Variants in PRDM16 observed in about 807,000 individuals in gnomAD.
The protein encoded by PRDM16 is histone-lysine N-methyltransferase PRDM16.
A neutral mutation model predicts 110.6 loss-of-function variants in PRDM16; 23 were observed. That is an observed-to-expected ratio of 0.21 (90% CI 0.15 to 0.29). The LOEUF is 0.29. PRDM16 is among the 10% of genes least tolerant of loss of function. The pLI is 1.00. For synonymous variants in PRDM16, 799 were observed against 781.8 expected (o/e 1.02, Z -0.37); for missense variants, 1,615 against 1,794.3 (o/e 0.90, Z 1.81).
chr1:3,387,693 C>T (rs1643224721), intron 4 of PRDM16, among the ~76,000 whole-genome samples: 2 of 152,234 alleles, frequency 1.3e-5, no homozygotes, highest in South Asian at 2.1e-4. Context: ...GGAGACTCGC[C>T]GCCCAGGCAC....
intron 3 of PRDM16, among the ~76,000 whole-genome samples, chr1:3,269,790 CT>C (rs1640391304): frequency 6.9e-6 from 1 of 145,406 alleles, no homozygotes; most frequent in Non-Finnish European, 1.5e-5. Context: ...GGAGGAAAGT[CT>C]CAGAGGAGGA....
chr1:3,371,666 G>C (rs774658415), intron 3 of PRDM16, among the ~76,000 whole-genome samples: 4 of 152,238 alleles, frequency 2.6e-5, no homozygotes, highest in Non-Finnish European at 5.9e-5. Context: ...CCCTGGAAGA[G>C]CTTCAGTTGC....
intron 3 of PRDM16, chr1:3,309,126 G>A (rs1164704769): frequency 6.6e-6 from 1 of 152,252 alleles, no homozygotes; most frequent in African/African-American, 2.4e-5. Flanking sequence ...CCGACCCAAG[G>A]ATGGATAGAA....
At chr1:3,111,373 G>A (rs529960346) in intron 1 of PRDM16, among the ~76,000 whole-genome samples, 2 of 149,130 alleles carry the variant, frequency 1.3e-5, no homozygotes, top group South Asian at 4.2e-4. Context: ...AGGTGGTGCT[G>A]GGGGGAAGTC....
At chr1:3,205,693 C>T (rs1181745974) in intron 2 of PRDM16, among the ~76,000 whole-genome samples, 5 of 151,840 alleles carry the variant, frequency 3.3e-5, no homozygotes, top group African/African-American at 7.3e-5. Context: ...GTTATGAGGG[C>T]GGGCTCGGTG....
rs1009014250 is a variant in PRDM16, at chr1:3,358,971, G to A, written c.439-26181G>A. Among the ~76,000 whole-genome samples the A allele has an allele frequency of 6.6e-6, 1 of 152,226 alleles. No individual in the cohort carries two copies. The highest frequency in any genetic ancestry group is 2.4e-5 in the African/African-American group (1 of 41,458). Reference sequence around the variant, plus strand: ...GGAAAGCACAGCCGCTGTGGCTCATGTTGTCATCTTGGGTCGCATTACAGC... The same window carrying A: ...GGAAAGCACAGCCGCTGTGGCTCATATTGTCATCTTGGGTCGCATTACAGC... On this transcript the variant is annotated intron_variant, in intron 3 of 16. Transcript: ENST00000270722. The surrounding 1 kb of genome is among the most constrained non-coding windows in gnomAD (Gnocchi z 4.0).
chr1:3,231,023 CAT>C (rs1639396599), intron 2 of PRDM16, among the ~76,000 whole-genome samples: 1 of 152,176 alleles, frequency 6.6e-6, no homozygotes, highest in Non-Finnish European at 1.5e-5. Flanking sequence ...TACCCAAGGA[CAT>C]GAGTGCCCTC....
At chr1:3,287,556 CCT>C (rs376602250) in intron 3 of PRDM16, among the ~76,000 whole-genome samples, 19 of 50,478 alleles carry the variant, frequency 3.8e-4, no homozygotes, top group African/African-American at 1.7e-3. Flanking sequence ...GGAGCCGCCC[CCT>C]GCCACGCGGG....
intron 3 of PRDM16, among the ~76,000 whole-genome samples, chr1:3,260,855 T>C (rs1640149293): frequency 6.8e-6 from 1 of 147,874 alleles, no homozygotes; most frequent in East Asian, 2.0e-4. Context: ...AGGTCCCATC[T>C]AGACACAGTC....
In PRDM16 at chr1:3,243,557, C is replaced by T. The variant is rs1014479595; in HGVS notation, c.388-530C>T. ...CCCGACCTCTGCCTCCTGAGCTGGA[C>T]TGTAAGCCCCCGGAGGGCAGGGACT... On this transcript the variant is annotated intron_variant, in intron 2 of 16. Transcript: ENST00000270722. The surrounding 1 kb of genome is among the most constrained non-coding windows in gnomAD (Gnocchi z 5.5). 6.6e-6 allele frequency among the ~76,000 whole-genome samples: 1 copy of T among 152,226 alleles called. No individual in the cohort carries two copies. The highest frequency in any genetic ancestry group is 1.5e-5 in the Non-Finnish European group (1 of 68,054).
intron 4 of PRDM16, among the ~76,000 whole-genome samples, chr1:3,393,009 C>G (rs1349571472): frequency 1.3e-5 from 2 of 152,238 alleles, no homozygotes; most frequent in Non-Finnish European, 2.9e-5. Context: ...CAAAGAGAAC[C>G]TGAAGTGTTG....
At chr1:3,215,070 ACAT>A (rs1638988168) in intron 2 of PRDM16, among the ~76,000 whole-genome samples, 1 of 152,170 alleles carries the variant, frequency 6.6e-6, no homozygotes, top group Non-Finnish European at 1.5e-5. Context: ...CCGTATCCAA[ACAT>A]CATCAAAGAC....
intron 3 of PRDM16, among the ~76,000 whole-genome samples, chr1:3,368,922 C>T (rs1642863313): frequency 1.3e-5 from 2 of 152,230 alleles, no homozygotes; most frequent in African/African-American, 2.4e-5. Context: ...TCCGGGTAAT[C>T]GGCCGCATGC....
intron 3 of PRDM16, among the ~76,000 whole-genome samples, chr1:3,264,745 C>T (rs1640249070): frequency 6.6e-6 from 1 of 151,550 alleles, no homozygotes. Context: ...GTGCGTGAGT[C>T]CCTGGGGTGC....
intron 3 of PRDM16, among the ~76,000 whole-genome samples, chr1:3,323,433 A>G (rs1026982451): frequency 1.3e-5 from 2 of 152,230 alleles, no homozygotes; most frequent in African/African-American, 2.4e-5. Context: ...CCAGGCGCCA[A>G]CAGAAGCTGC....
intron 2 of PRDM16, among the ~76,000 whole-genome samples, chr1:3,231,150 T>C (rs1639399740): frequency 6.6e-6 from 1 of 152,200 alleles, no homozygotes; most frequent in Admixed American, 6.5e-5. Flanking sequence ...CTGTGTGACC[T>C]CCGTCCCATA....
At chr1:3,077,925 T>C (rs374803102) in intron 1 of PRDM16, among the ~76,000 whole-genome samples, 48 of 152,334 alleles carry the variant, frequency 3.2e-4, no homozygotes, top group African/African-American at 1.1e-3. Context: ...GATTGTTAGC[T>C]GCTCATTTCA....
At chr1:3,392,228 CT>C (rs1302884733) in intron 4 of PRDM16, among the ~76,000 whole-genome samples, 3 of 152,208 alleles carry the variant, frequency 2.0e-5, no homozygotes, top group African/African-American at 4.8e-5. Context: ...TGAGAAAAGC[CT>C]CTTGCACAGT....
chr1:3,117,626 T>A (rs1267215519), intron 1 of PRDM16, among the ~76,000 whole-genome samples: 2 of 151,910 alleles, frequency 1.3e-5, no homozygotes, highest in Non-Finnish European at 2.9e-5. Flanking sequence ...CCAGGGCCCA[T>A]CTCCAGGGTG....
Sources: gnomAD v4.1 joint callset for allele counts (sites outside exome capture counted in the v4.1 genomes callset) on GRCh38, gnomAD v4.1.1 for gene constraint, Gnocchi (gnomAD v3.1) non-coding constraint, MANE v1.5 for transcripts, NCBI Gene and HGNC (gene_info 2026-07-23, HGNC 2026-07-21) for gene names.